Variants in PCDHA5 observed in about 807,000 individuals in gnomAD.
The protein encoded by PCDHA5 is protocadherin alpha 5.
PCDHA5 carries 43 observed loss-of-function variants against 61.6 expected under a neutral mutation model. The ratio of observed to expected loss-of-function variants is 0.70; its 90% CI spans 0.55 to 0.90. PCDHA5 has a LOEUF of 0.90. PCDHA5 is among the 40% of genes least tolerant of loss of function. The pLI is 0.00. For synonymous variants in PCDHA5, 627 were observed against 543.9 expected, an observed-to-expected ratio of 1.15 and a Z score of -2.13; for missense variants, 1,298 against 1,222.7, an observed-to-expected ratio of 1.06 and a Z score of -0.92.
chr5:140,832,565 C>G (rs1487126370), intron 1 of PCDHA5, among the ~76,000 whole-genome samples: 2 of 152,180 alleles, frequency 1.3e-5, no homozygotes, highest in East Asian at 3.8e-4. Flanking sequence ...AGCCTCAAAA[C>G]AGCATACTTT....
At chr5:140,964,044 A>G (rs155810) in intron 1 of PCDHA5, among the ~76,000 whole-genome samples, 592 of 152,346 alleles carry the variant, frequency 3.9e-3, no homozygotes, top group Middle Eastern at 0.024. Context: ...AAAGGAATGC[A>G]TAATGGTGTG....
intron 1 of PCDHA5, among the ~76,000 whole-genome samples, chr5:140,972,883 C>T (rs1020544230): frequency 1.1e-4 from 16 of 151,884 alleles, no homozygotes; most frequent in African/African-American, 1.7e-4. Context: ...AGGATGGTCT[C>T]GATCTCTTGA....
chr5:140,901,168 C>G (rs782138220), intron 1 of PCDHA5, among the ~76,000 whole-genome samples: 8 of 152,010 alleles, frequency 5.3e-5, no homozygotes, highest in Non-Finnish European at 8.8e-5. Flanking sequence ...GTTGTCTCTT[C>G]ACTTTGTTGA....
chr5:140,830,361 G>C (rs2150185402), intron 1 of PCDHA5: 1 of 1,614,126 alleles, frequency 6.2e-7, no homozygotes, highest in Non-Finnish European at 8.5e-7. Flanking sequence ...AGGCGGCAGA[G>C]GGTGTGCTCC....
intron 1 of PCDHA5, chr5:140,834,131 C>A (rs2150213699): frequency 6.7e-6 from 3 of 446,202 alleles, no homozygotes; most frequent in South Asian, 5.1e-5. Context: ...AACTTTTCAT[C>A]TGATTAATAG....
chr5:140,884,734 C>G, intron 1 of PCDHA5: 1 of 1,445,332 alleles, frequency 6.9e-7, no homozygotes. Flanking sequence ...TTTAAGACAT[C>G]TTTCCTGCCA....
Position 141,009,714 on chromosome 5 carries a change from A to G in PCDHA5, c.2588A>G (p.Lys863Arg), listed in dbSNP as rs1175529844. 1 of 1,613,966 alleles carries G rather than the reference A, an allele frequency of 6.2e-7. No homozygotes were observed. Among genetic ancestry groups the G allele is most frequent in the Non-Finnish European group, 8.5e-7 (1 of 1,180,012 alleles). Reference protein sequence around the residue: ...WTFKYGPGNPKQSGPGELPDK... With the variant: ...WTFKYGPGNPRQSGPGELPDK... ...TTTAAATACGGACCAGGCAACCCCA[A>G]ACAATCCGGTCCCGGTGAGTTGCCC... The change falls in exon 4 of 4, where the codon AAA becomes AGA. Residue 863 changes from lysine to arginine, a missense_variant. By Grantham distance (26) the Lys-to-Arg change is conservative. Transcript: ENST00000529859.
chr5:140,877,396 G>T (rs781989521), intron 1 of PCDHA5: 43 of 1,613,834 alleles, frequency 2.7e-5, no homozygotes, highest in South Asian at 1.8e-4. Context: ...TGAGGCGGAC[G>T]CTCCGCGCCA....
In PCDHA5 at chr5:140,823,766, T is replaced by TGCTGGTGTC. The variant is rs1767866619; in HGVS notation, c.1999_2007dup (p.Ser667_Val669dup). 1 of 1,613,734 alleles carries TGCTGGTGTC rather than the reference T, an allele frequency of 6.2e-7. No individual in the cohort carries two copies. Among genetic ancestry groups the TGCTGGTGTC allele is most frequent in the African/African-American group, 1.3e-5 (1 of 74,922 alleles). ...CCCCCGCTGACAGCCACAGCCACAG[T>TGCTGGTGTC]GCTGGTGTCGCTGGTGGAAAGTGGC... On this transcript the variant is annotated inframe_insertion, in exon 1 of 4. Coordinates refer to ENST00000529859, the MANE Select transcript of PCDHA5 (RefSeq NM_018908.3).
In PCDHA5 at chr5:141,010,806, C is replaced by T. The variant is rs1404036886; in HGVS notation, c.*869C>T. ...GCAAAAGCAAAAGAAAACCCCGACA[C>T]CTCACCTTTCGCTGTTTGTTGTTTC... On this transcript the variant is annotated 3_prime_UTR_variant, in exon 4 of 4. Transcript: ENST00000529859. 2 of 153,736 alleles carry T rather than the reference C, an allele frequency of 1.3e-5. No individual in the cohort carries two copies. Among genetic ancestry groups the T allele is most frequent in the Non-Finnish European group, 1.5e-5 (1 of 68,048 alleles). 9.5% of individuals were successfully genotyped at this position (153,736 alleles called of 1,614,324 possible).
chr5:140,882,577 C>G, intron 1 of PCDHA5: 3 of 1,614,238 alleles, frequency 1.9e-6, no homozygotes, highest in Non-Finnish European at 2.5e-6. Flanking sequence ...CGGAGTGCAG[C>G]ATCCACCTGG....
At chr5:140,850,883 T>G in intron 1 of PCDHA5, 1 of 1,582,476 alleles carries the variant, frequency 6.3e-7, no homozygotes, top group Non-Finnish European at 8.6e-7. Context: ...CAGATTCAAC[T>G]GGGAAGGTGG....
At chr5:140,884,239 C>A (rs781996098) in intron 1 of PCDHA5, 1 of 1,613,424 alleles carries the variant, frequency 6.2e-7, no homozygotes, top group South Asian at 1.1e-5. Flanking sequence ...ACGGTGAGCC[C>A]GCGCTGACGG....
rs2150125210 is a variant in PCDHA5, at chr5:140,823,380, C to A, written c.1605C>A (p.Ser535Arg). Residue 535 changes from serine (S) to arginine (R), a missense_variant, in exon 1 of 4, where the codon AGC becomes AGA. By Grantham distance (110) the Ser-to-Arg change is moderately radical. Coordinates refer to ENST00000529859, the MANE Select transcript of PCDHA5 (RefSeq NM_018908.3). ...TGGAGCTGCTGCAGTTCCAGGTGAG[C>A]GCGCGCGACGCGGGCGTGCCGCCTC... is the stretch of plus-strand genomic sequence containing the variant. ...EEVELLQFQV[S>R]ARDAGVPPLG... The A allele has an allele frequency of 8.7e-6, 14 of 1,612,688 alleles. No homozygotes were observed. Among genetic ancestry groups the A allele is most frequent in the South Asian group, 5.5e-5 (5 of 91,030 alleles).
At chr5:140,869,347 G>C (rs782437200) in intron 1 of PCDHA5, 1 of 1,614,082 alleles carries the variant, frequency 6.2e-7, no homozygotes, top group Non-Finnish European at 8.5e-7. Context: ...TCTGCAGAAT[G>C]GCATTTTGTT....
At chr5:140,870,070 G>T (rs1554163779) in intron 1 of PCDHA5, 1 of 1,613,880 alleles carries the variant, frequency 6.2e-7, no homozygotes, top group Admixed American at 1.7e-5. Flanking sequence ...ACAGGCTACA[G>T]ATAAGGGGAC....
chr5:140,839,247 T>A (rs1421904889), intron 1 of PCDHA5, among the ~76,000 whole-genome samples: 1 of 152,090 alleles, frequency 6.6e-6, no homozygotes, highest in African/African-American at 2.4e-5. Flanking sequence ...GCTTTGCTTT[T>A]ATGCTTACAT....
intron 1 of PCDHA5, chr5:140,842,173 T>C: frequency 6.2e-7 from 1 of 1,613,902 alleles, no homozygotes; most frequent in Non-Finnish European, 8.5e-7. Context: ...TTAATAGCCT[T>C]GTTGAAACTA....
chr5:140,915,838 A>AG (rs1359061531), intron 1 of PCDHA5, among the ~76,000 whole-genome samples: 1 of 152,154 alleles, frequency 6.6e-6, no homozygotes, highest in Admixed American at 6.5e-5. Flanking sequence ...TAAGATCAGC[A>AG]GGGGGTGACA....
Sources: allele counts gnomAD v4.1 joint callset (sites outside exome capture counted in the v4.1 genomes callset), GRCh38; gene constraint gnomAD v4.1.1; transcripts MANE v1.5; gene names NCBI Gene and HGNC (gene_info 2026-07-23, HGNC 2026-07-21).